FBXO38: variants seen among roughly 807,000 people sequenced by gnomAD.
FBXO38 encodes F-box only protein 38.
In FBXO38, 53 loss-of-function variants were observed where a neutral mutation model predicts 131.9. The ratio of observed to expected loss-of-function variants is 0.40; its 90% CI spans 0.32 to 0.51. FBXO38 has a LOEUF of 0.51. FBXO38 is among the 20% of genes least tolerant of loss of function. FBXO38 has a pLI of 0.53. For missense variants in FBXO38, 1,076 were observed against 1,475.6 expected, an observed-to-expected ratio of 0.73 and a Z score of 4.44; for synonymous variants, 452 against 505.6, an observed-to-expected ratio of 0.89 and a Z score of 1.42.
intron 8 of FBXO38, 65 bp from the exon 9 acceptor site, chr5:148,410,569 TA>T: frequency 6.4e-7 from 1 of 1,570,816 alleles, no homozygotes; most frequent in South Asian, 1.1e-5. Flanking sequence ...ACACTTATAT[TA>T]GGAGGAATCT....
intron 3 of FBXO38, among the ~76,000 whole-genome samples, chr5:148,400,566 C>G (rs1455501551): frequency 1.3e-5 from 2 of 152,226 alleles, no homozygotes; most frequent in East Asian, 1.9e-4. Context: ...AGTCTCTAGC[C>G]TAGGATAAGA....
intron 19 of FBXO38, among the ~76,000 whole-genome samples, chr5:148,440,009 A>C (rs1052872442): frequency 2.6e-5 from 4 of 152,246 alleles, no homozygotes; most frequent in African/African-American, 9.6e-5. Context: ...CTCAGGTAAA[A>C]ATTACAAGAA....
intron 15 of FBXO38, chr5:148,430,548 C>G (rs1412696035): frequency 6.6e-6 from 1 of 151,998 alleles, no homozygotes; most frequent in Non-Finnish European, 1.5e-5. Flanking sequence ...TCAGGCTGGT[C>G]TCAAACTCCT....
chr5:148,419,359 A>G (rs969929991), intron 12 of FBXO38, among the ~76,000 whole-genome samples: 1 of 152,190 alleles, frequency 6.6e-6, no homozygotes, highest in Admixed American at 6.5e-5. Context: ...CACAACACAC[A>G]CACACATATA....
intron 17 of FBXO38, 94 bp downstream of exon 17, chr5:148,433,831 T>C: frequency 1.6e-6 from 1 of 639,488 alleles, no homozygotes. Context: ...CTGTCTTATT[T>C]TCTTAAAGGA....
rs771021698 is a variant in FBXO38 at position 148,417,140 on chromosome 5, C to T, written c.1554C>T (p.Asp518=). 8 of 1,613,730 alleles carry T rather than the reference C, an allele frequency of 5.0e-6. No individual in the cohort carries two copies. In the Admixed American group the frequency reaches 1.0e-4, roughly 20 times the overall value. ...ACAACAATCACCATCATCCAGATGACTCAGACGAGGAGAATGACTTTCGGC... is the reference window on the plus strand; with the variant it reads ...ACAACAATCACCATCATCCAGATGATTCAGACGAGGAGAATGACTTTCGGC... ...IHDNNHHHPD[D]SDEENDFRQD... Residue 518 remains aspartate (D), a synonymous_variant, in exon 12 of 22, where the codon GAC becomes GAT. Transcript: ENST00000340253.
intron 12 of FBXO38, among the ~76,000 whole-genome samples, chr5:148,421,102 G>T (rs1753399187): frequency 6.6e-6 from 1 of 152,056 alleles, no homozygotes; most frequent in African/African-American, 2.4e-5. Flanking sequence ...GATTAGCTGG[G>T]ACTATAGGCG....
At chr5:148,389,355 C>T (rs1396816357) in intron 1 of FBXO38, among the ~76,000 whole-genome samples, 1 of 152,190 alleles carries the variant, frequency 6.6e-6, no homozygotes, top group Non-Finnish European at 1.5e-5. Context: ...GCAGTGTTGC[C>T]ACAGACCTTC....
intron 7 of FBXO38, among the ~76,000 whole-genome samples, chr5:148,408,563 G>A (rs562600111): frequency 1.3e-5 from 2 of 152,328 alleles, no homozygotes; most frequent in East Asian, 3.9e-4. Flanking sequence ...GCTACACAGC[G>A]ATATGGATGA....
At chr5:148,410,948 C>A in intron 9 of FBXO38, 183 bp downstream of exon 9, 2 of 563,296 alleles carry the variant, frequency 3.6e-6, no homozygotes, top group Non-Finnish European at 6.0e-6. Context: ...TTCCATATTG[C>A]CTCTGATTTT....
intron 21 of FBXO38, 67 bp downstream of exon 21, chr5:148,441,304 T>A: frequency 1.7e-6 from 2 of 1,153,792 alleles, no homozygotes; most frequent in Non-Finnish European, 2.6e-6. Context: ...ACATACTTAA[T>A]ATCTTTTTGT....
intron 10 of FBXO38, 123 bp from the exon 11 acceptor site, chr5:148,415,805 G>GA: frequency 3.0e-6 from 3 of 1,011,176 alleles, no homozygotes; most frequent in Non-Finnish European, 4.4e-6. Flanking sequence ...TAGAAGTCAT[G>GA]AAAAAAAGGA....
rs1436209632 is a variant in FBXO38 at position 148,394,739 on chromosome 5, G to A, written c.-38G>A. The stretch of plus-strand genomic sequence containing the variant: ...GTACTTTGAACTCAAGTAAACAAAA[G>A]GGAAGATTTTCTCGTTGATACTGGA... On this transcript the variant is annotated 5_prime_UTR_variant, in exon 2 of 22. Transcript: ENST00000340253. 6.7e-7 allele frequency: 1 copy of A among 1,482,534 alleles called. No individual in the cohort carries two copies. Among genetic ancestry groups the A allele is most frequent in the Non-Finnish European group, 9.0e-7 (1 of 1,115,452 alleles). The allele number at this position is 1,482,534 out of a possible 1,614,324, so 91.8% of individuals were successfully genotyped here.
intron 3 of FBXO38, among the ~76,000 whole-genome samples, chr5:148,401,134 TTTTC>T (rs1752128958): frequency 6.6e-6 from 1 of 152,150 alleles, no homozygotes; most frequent in Non-Finnish European, 1.5e-5. Flanking sequence ...CAGTTAATGT[TTTTC>T]TTTGTCATTA....
chr5:148,399,244 G>A, intron 3 of FBXO38, 112 bp downstream of exon 3: 1 of 1,224,544 alleles, frequency 8.2e-7, no homozygotes. Context: ...TCACCTTGTA[G>A]GCTGGCAAGA....
intron 15 of FBXO38, among the ~76,000 whole-genome samples, chr5:148,429,133 T>TG: frequency 6.6e-6 from 1 of 152,322 alleles, no homozygotes; most frequent in African/African-American, 2.4e-5. Context: ...CTGCCTCCTA[T>TG]GACACCTTTT....
chr5:148,442,296 A>G lies in FBXO38; in HGVS notation c.*149A>G. ...AATATATAAGGAACATCGAAATTGT[A>G]TACAAAGATTTGTACATAAAAAATA... On this transcript the variant is annotated 3_prime_UTR_variant, in exon 22 of 22. Transcript: ENST00000340253. The G allele has an allele frequency of 1.9e-6, 1 of 517,838 alleles. No individual in the cohort carries two copies. 32.1% of individuals were successfully genotyped at this position (517,838 alleles called of 1,614,324 possible).
At chr5:148,394,401 A>G (rs749645692) in intron 1 of FBXO38, among the ~76,000 whole-genome samples, 12 of 152,142 alleles carry the variant, frequency 7.9e-5, no homozygotes, top group Non-Finnish European at 1.5e-4. Flanking sequence ...AGAAATTGAT[A>G]CTTGGAGAAA....
intron 17 of FBXO38, among the ~76,000 whole-genome samples, chr5:148,435,307 G>T (rs1754283085): frequency 6.6e-6 from 1 of 151,996 alleles, no homozygotes; most frequent in Non-Finnish European, 1.5e-5. Context: ...AGGCTGTTTT[G>T]CTTTCTTATC....
Sources: gnomAD v4.1 joint callset for allele counts (sites outside exome capture counted in the v4.1 genomes callset) on GRCh38, gnomAD v4.1.1 for gene constraint, MANE v1.5 for transcripts, NCBI Gene and HGNC (gene_info 2026-07-23, HGNC 2026-07-21) for gene names.